SLCO2A1: variants seen among roughly 807,000 people sequenced by gnomAD.
SLCO2A1 encodes solute carrier organic anion transporter family member 2A1, also known as matrin F/G 1.
Under a neutral mutation model 71.7 loss-of-function variants are expected in SLCO2A1, and 60 were observed. The ratio of observed to expected loss-of-function variants is 0.84; its 90% CI spans 0.68 to 1.04. The LOEUF (loss-of-function observed/expected upper bound fraction) is 1.04. Ranked by LOEUF, SLCO2A1 falls within the 50% of genes least tolerant of loss-of-function variation. The pLI, the probability that SLCO2A1 is intolerant of heterozygous loss-of-function variation, is 0.00. For missense variants in SLCO2A1, 745 were observed against 813.4 expected, an observed-to-expected ratio of 0.92 and a Z score of 1.02; for synonymous variants, 308 against 326.7, an observed-to-expected ratio of 0.94 and a Z score of 0.62.
chr3:133,982,769 T>C (rs1370396578), intron 1 of SLCO2A1, among the ~76,000 whole-genome samples: 1 of 152,050 alleles, frequency 6.6e-6, no homozygotes, highest in Non-Finnish European at 1.5e-5. Context: ...ACAGGTCCCC[T>C]GCTTGCTCCT....
chr3:133,950,298 A>G (rs752789634), intron 6 of SLCO2A1, among the ~76,000 whole-genome samples: 3 of 152,014 alleles, frequency 2.0e-5, no homozygotes, highest in Non-Finnish European at 4.4e-5. Flanking sequence ...GGCTGGGCCT[A>G]GATTTTATAT....
At chr3:133,969,028 T>A (rs1934262190) in intron 3 of SLCO2A1, among the ~76,000 whole-genome samples, 1 of 152,202 alleles carries the variant, frequency 6.6e-6, no homozygotes, top group African/African-American at 2.4e-5. Flanking sequence ...TCCTTTCCCA[T>A]GTTCGTTTCT....
chr3:134,029,143 G>A (rs1012842290), intron 1 of SLCO2A1, among the ~76,000 whole-genome samples: 2 of 152,104 alleles, frequency 1.3e-5, no homozygotes, highest in African/African-American at 4.8e-5. Flanking sequence ...ACTGCGAGCG[G>A]CACAGCCAGG....
chr3:133,989,079 G>T (rs898059081), intron 1 of SLCO2A1, among the ~76,000 whole-genome samples: 6 of 152,128 alleles, frequency 3.9e-5, no homozygotes, highest in Non-Finnish European at 7.4e-5. Context: ...TAGATTGGCC[G>T]GCGGGCCCTG....
At chr3:134,021,501 C>T (rs966861435) in intron 1 of SLCO2A1, among the ~76,000 whole-genome samples, 2 of 152,004 alleles carry the variant, frequency 1.3e-5, no homozygotes, top group East Asian at 1.9e-4. Flanking sequence ...TTAGACCCCC[C>T]GCCCCCAACA....
chr3:133,970,815 G>A (rs895678280), intron 3 of SLCO2A1, among the ~76,000 whole-genome samples: 1 of 152,024 alleles, frequency 6.6e-6, no homozygotes, highest in Non-Finnish European at 1.5e-5. Context: ...GGCCTATGGT[G>A]CGCCCCTGCA....
intron 1 of SLCO2A1, among the ~76,000 whole-genome samples, chr3:134,024,757 T>G (rs969373487): frequency 3.9e-5 from 6 of 152,224 alleles, no homozygotes; most frequent in Admixed American, 6.5e-5. Flanking sequence ...CTGTGGTAAC[T>G]TTAATGACTA....
chr3:134,026,454 A>C (rs1461282027), intron 1 of SLCO2A1, among the ~76,000 whole-genome samples: 1 of 152,036 alleles, frequency 6.6e-6, no homozygotes, highest in Admixed American at 6.6e-5. Context: ...GCCCATAAAA[A>C]CAGGCGAACT....
At chr3:133,944,954 C>A (rs1269811300) in intron 10 of SLCO2A1, 141 bp downstream of exon 10, 9 of 1,007,052 alleles carry the variant, frequency 8.9e-6, no homozygotes, top group Non-Finnish European at 1.3e-5. Flanking sequence ...GGATGTGGCT[C>A]AGAGGAGGCC....
intron 10 of SLCO2A1, among the ~76,000 whole-genome samples, chr3:133,944,449 C>T (rs570183883): frequency 6.6e-6 from 1 of 152,202 alleles, no homozygotes; most frequent in East Asian, 1.9e-4. Flanking sequence ...TGTGGAGCCA[C>T]AGAAAAAAGG....
intron 1 of SLCO2A1, among the ~76,000 whole-genome samples, chr3:133,999,930 C>G (rs1935066506): frequency 6.6e-6 from 1 of 152,120 alleles, no homozygotes; most frequent in African/African-American, 2.4e-5. Context: ...ATGTCAAACA[C>G]TTTAGAAAGA....
Position 133,933,781 on chromosome 3 carries a change from GCA to G in SLCO2A1, c.*930_*931del. On this transcript the variant is annotated 3_prime_UTR_variant, in exon 14 of 14. Transcript: ENST00000310926. ...CGGGCTGAAGTCCAGACAGGGAAGT[GCA>G]TGTGAAGCCACCTCATCTGCTGCCA... 1 of 152,332 alleles carries G rather than the reference GCA, an allele frequency of 6.6e-6. No homozygotes were observed. The highest frequency in any genetic ancestry group is 2.4e-5 in the African/African-American group (1 of 41,572). 9.4% of individuals were successfully genotyped at this position (152,332 alleles called of 1,614,324 possible).
Position 133,973,698 on chromosome 3 carries a change from A to G in SLCO2A1, c.362T>C (p.Leu121Pro). ...CAAGGTGTACTGGTAGGGCTCGGAGAGGAAGTGTGGGAGGGTGAGGATGAA... is the reference window on the plus strand; with the variant it reads ...CAAGGTGTACTGGTAGGGCTCGGAGGGGAAGTGTGGGAGGGTGAGGATGAA... ...GAFILTLPHF[L>P]SEPYQYTLAS... The change falls in exon 3 of 14, where the codon CTC becomes CCC. Residue 121 changes from leucine (L) to proline (P), a missense_variant. Coordinates refer to ENST00000310926, the MANE Select transcript of SLCO2A1 (RefSeq NM_005630.3). The G allele has an allele frequency of 2.5e-6, 4 of 1,614,052 alleles. No homozygotes were observed. The highest frequency in any genetic ancestry group is 1.1e-5 in the South Asian group (1 of 91,066).
chr3:134,004,093 CGTGTGTGTGTGTGTGTGTGTGTGTGTGT>C (rs71139603), intron 1 of SLCO2A1, among the ~76,000 whole-genome samples: 3 of 149,624 alleles, frequency 2.0e-5, no homozygotes, highest in East Asian at 3.9e-4. Context: ...TGAATCTCTT[CGTGTGTGTGTGTGTGTGTGTGTGTGTGT>C]GTGTGTGTGT....
intron 1 of SLCO2A1, among the ~76,000 whole-genome samples, chr3:133,981,191 C>T (rs934157369): frequency 2.2e-4 from 34 of 152,122 alleles, no homozygotes; most frequent in Admixed American, 4.6e-4. Context: ...CTGGACCTGC[C>T]TCTTATTCAA....
At chr3:134,029,524 GCT>G (rs1935777478) in intron 1 of SLCO2A1, among the ~76,000 whole-genome samples, 181 bp downstream of exon 1, 3 of 136,372 alleles carry the variant, frequency 2.2e-5, no homozygotes, top group Non-Finnish European at 4.6e-5. Context: ...ACACACACAC[GCT>G]CACACACACA....
At chr3:133,947,761 G>A (rs574602536) in intron 8 of SLCO2A1, among the ~76,000 whole-genome samples, 8 of 152,238 alleles carry the variant, frequency 5.3e-5, no homozygotes, top group Middle Eastern at 3.4e-3. Flanking sequence ...GCATGGGACC[G>A]CATGGGGTTA....
chr3:133,981,458 T>C (rs1223758947), intron 1 of SLCO2A1, among the ~76,000 whole-genome samples: 1 of 152,160 alleles, frequency 6.6e-6, no homozygotes, highest in East Asian at 1.9e-4. Context: ...CAGCTTTGAT[T>C]CAAAATCACA....
intron 1 of SLCO2A1, among the ~76,000 whole-genome samples, chr3:134,025,240 C>T (rs1162916737): frequency 6.6e-5 from 10 of 152,104 alleles, no homozygotes; most frequent in South Asian, 4.1e-4. Flanking sequence ...AAGGTTGCTA[C>T]GGTCCTATTA....
Sources: allele counts gnomAD v4.1 joint callset (sites outside exome capture counted in the v4.1 genomes callset), GRCh38; gene constraint gnomAD v4.1.1; transcripts MANE v1.5; gene names NCBI Gene and HGNC (gene_info 2026-07-23, HGNC 2026-07-21).